The following PROS1 variants were observed in gnomAD, a reference collection of about 807,000 sequenced individuals.
PROS1 encodes protein S.
A neutral mutation model predicts 75.9 loss-of-function variants in PROS1; 29 were observed. The ratio of observed to expected loss-of-function variants is 0.38; its 90% CI spans 0.28 to 0.52. The LOEUF (loss-of-function observed/expected upper bound fraction) is 0.52. Among genes scored for constraint, PROS1 ranks in the 20% least tolerant of loss-of-function variants. The pLI is 0.83. For missense variants in PROS1, 680 were observed against 810.3 expected (o/e 0.84, Z 1.95); for synonymous variants, 245 against 280.6 (o/e 0.87, Z 1.27).
chr3:93,875,170 G>A (rs1162934620), intron 14 of PROS1, among the ~76,000 whole-genome samples: 1 of 151,978 alleles, frequency 6.6e-6, no homozygotes. Context: ...TTCAAGTTGG[G>A]CTAAACATCA....
At chr3:93,935,734 G>A (rs916348420) in intron 1 of PROS1, among the ~76,000 whole-genome samples, 10 of 151,850 alleles carry the variant, frequency 6.6e-5, no homozygotes, top group South Asian at 2.1e-4. Flanking sequence ...TTGGTATATC[G>A]TCAAGTGAGT....
intron 1 of PROS1, among the ~76,000 whole-genome samples, chr3:93,944,165 T>G (rs1205416786): frequency 2.0e-5 from 3 of 152,010 alleles, no homozygotes; most frequent in Non-Finnish European, 4.4e-5. Flanking sequence ...ACTCTCCCAT[T>G]TAGAAGAAAG....
intron 1 of PROS1, chr3:93,928,637 C>A (rs989329046): frequency 1.0e-5 from 6 of 593,682 alleles, no homozygotes; most frequent in Admixed American, 3.4e-5. Flanking sequence ...TGTTGTTGAA[C>A]AGCAACAATA....
intron 1 of PROS1, chr3:93,928,684 C>T: frequency 2.7e-6 from 3 of 1,102,254 alleles, no homozygotes; most frequent in Non-Finnish European, 3.7e-6. Context: ...AAGCAACAGA[C>T]TGGAGGAAAA....
At chr3:93,949,839 G>A (rs942115453) in intron 1 of PROS1, among the ~76,000 whole-genome samples, 21 of 152,152 alleles carry the variant, frequency 1.4e-4, no homozygotes, top group African/African-American at 4.3e-4. Context: ...GGACTTGTTG[G>A]ACAGTGGGTG....
At chr3:93,925,788 A>G (rs537876833) in intron 2 of PROS1, among the ~76,000 whole-genome samples, 1 of 146,144 alleles carries the variant, frequency 6.8e-6, no homozygotes, top group African/African-American at 2.5e-5. Context: ...ATGCCACTGC[A>G]CTCTAGCCTG....
In PROS1 at chr3:93,924,232, G is replaced by T. The variant is rs754924413; in HGVS notation, c.259+8C>A. The T allele has an allele frequency of 6.1e-6, 8 of 1,307,930 alleles. No individual in the cohort carries two copies. In the South Asian group the frequency reaches 8.7e-5, roughly 14 times the overall value. The allele number at this position is 1,307,930 out of a possible 1,614,324, so 81.0% of individuals were successfully genotyped here. On this transcript the variant is annotated splice_region_variant and intron_variant, in intron 3 of 14. Coordinates refer to ENST00000394236, the MANE Select transcript of PROS1 (RefSeq NM_000313.4). Reference sequence around the variant, plus strand: ...TAAGATTATATAATTGAGATGTTTTGAACTTACCTAAGTATTTTGGATAAA... The same window carrying T: ...TAAGATTATATAATTGAGATGTTTTTAACTTACCTAAGTATTTTGGATAAA...
At chr3:93,885,237 A>G (rs1010698073) in intron 11 of PROS1, among the ~76,000 whole-genome samples, 6 of 151,902 alleles carry the variant, frequency 3.9e-5, no homozygotes, top group African/African-American at 1.5e-4. Flanking sequence ...TGTCTTGTTT[A>G]TCTTCTTTGT....
chr3:93,928,013 T>TATATATATATA (rs1709053137), intron 1 of PROS1, among the ~76,000 whole-genome samples: 1 of 9,690 alleles, frequency 1.0e-4, no homozygotes, highest in Non-Finnish European at 1.7e-4. Flanking sequence ...ATATATATAT[T>TATATATATATA]TTTTTTTTTT....
At chr3:93,904,434 G>A (rs965180344) in intron 6 of PROS1, among the ~76,000 whole-genome samples, 3 of 152,116 alleles carry the variant, frequency 2.0e-5, no homozygotes, top group Admixed American at 6.6e-5. Context: ...TGTTGTTAAT[G>A]TAGTTCACTT....
chr3:93,915,823 C>A (rs973139563), intron 3 of PROS1, among the ~76,000 whole-genome samples: 24 of 152,122 alleles, frequency 1.6e-4, no homozygotes, highest in African/African-American at 5.8e-4. Context: ...ATGCTCCATT[C>A]ACAGCAATCT....
chr3:93,875,135 C>T (rs1708163699), intron 14 of PROS1, among the ~76,000 whole-genome samples: 1 of 152,040 alleles, frequency 6.6e-6, no homozygotes, highest in Non-Finnish European at 1.5e-5. Context: ...TGACTGTGAG[C>T]TCATAGCATT....
intron 3 of PROS1, among the ~76,000 whole-genome samples, chr3:93,919,845 AGTGACTTACAGTATCATCTT>A (rs1708918603): frequency 6.6e-6 from 1 of 152,198 alleles, no homozygotes; most frequent in Non-Finnish European, 1.5e-5. Context: ...AATAATCCAC[AGTGACTTACAGTATCATCTT>A]TATCAAATAT....
intron 8 of PROS1, 134 bp downstream of exon 8, chr3:93,898,314 C>G: frequency 1.9e-6 from 2 of 1,032,868 alleles, no homozygotes; most frequent in Admixed American, 3.8e-5. Context: ...ATAATCATGA[C>G]TCATAACCTG....
chr3:93,963,948 C>T (rs554092673), intron 1 of PROS1, among the ~76,000 whole-genome samples: 8 of 152,218 alleles, frequency 5.3e-5, no homozygotes, highest in Middle Eastern at 3.4e-3. Flanking sequence ...ATGGAGGGAC[C>T]GGCTGGAGCC....
At chr3:93,892,890 C>T in intron 10 of PROS1, 43 bp downstream of exon 10, 1 of 1,559,870 alleles carries the variant, frequency 6.4e-7, no homozygotes, top group Non-Finnish European at 8.8e-7. Flanking sequence ...TTTATACAGA[C>T]TGCATCAAAG....
At chr3:93,942,987 C>T (rs1403754694) in intron 1 of PROS1, among the ~76,000 whole-genome samples, 2 of 152,276 alleles carry the variant, frequency 1.3e-5, no homozygotes, top group Non-Finnish European at 2.9e-5. Context: ...TGGGTAAAGG[C>T]CTTTCCCTCA....
intron 1 of PROS1, among the ~76,000 whole-genome samples, chr3:93,945,160 G>A (rs1472588576): frequency 3.9e-5 from 6 of 152,012 alleles, no homozygotes; most frequent in African/African-American, 1.2e-4. Flanking sequence ...TAAGACAATA[G>A]TTAAGAGCCT....
chr3:93,933,689 C>T (rs1186112377), intron 1 of PROS1, among the ~76,000 whole-genome samples: 1 of 152,056 alleles, frequency 6.6e-6, no homozygotes, highest in African/African-American at 2.4e-5. Flanking sequence ...TCTGGGAGGC[C>T]GAGGTGAGCT....
Sources: allele counts gnomAD v4.1 joint callset (sites outside exome capture counted in the v4.1 genomes callset), GRCh38; gene constraint gnomAD v4.1.1; transcripts MANE v1.5; gene names NCBI Gene and HGNC (gene_info 2026-07-23, HGNC 2026-07-21).